The following TMEM202 variants were observed in gnomAD, a reference collection of about 807,000 sequenced individuals.
The protein encoded by TMEM202 is transmembrane protein 202.
A neutral mutation model predicts 26.1 loss-of-function variants in TMEM202; 25 were observed. That is an observed-to-expected ratio of 0.96 (90% CI 0.70 to 1.34). TMEM202 has a LOEUF of 1.34. TMEM202 is among the 40% of genes most tolerant of loss of function. TMEM202 has a pLI of 0.00. For missense variants in TMEM202, 301 were observed against 327.7 expected, an observed-to-expected ratio of 0.92 and a Z score of 0.63; for synonymous variants, 122 against 119.0, an observed-to-expected ratio of 1.02 and a Z score of -0.16.
chr15:72,398,717 T>C lies in TMEM202; in HGVS notation c.146T>C (p.Met49Thr), dbSNP rs1185088063. ...TCATGCCAAAGGCAGCAGCAGCTTA[T>C]GGATCAGGCACACATCTACATCCGA... The part of the protein sequence containing the change: ...SMSCQRQQQL[M>T]DQAHIYIRTL... Residue 49 changes from methionine (M) to threonine (T), a missense_variant, in exon 2 of 5, where the codon ATG becomes ACG. Coordinates refer to ENST00000341689, the MANE Select transcript of TMEM202 (RefSeq NM_001080462.3). 1.9e-6 allele frequency: 3 copies of C among 1,614,192 alleles called. No individual in the cohort carries two copies. Among genetic ancestry groups the C allele is most frequent in the Non-Finnish European group, 2.5e-6 (3 of 1,180,034 alleles).
At chr15:72,406,267 C>G (rs1406129571) in intron 2 of TMEM202, among the ~76,000 whole-genome samples, 1 of 151,862 alleles carries the variant, frequency 6.6e-6, no homozygotes, top group South Asian at 2.1e-4. Context: ...CTTCTTTGTT[C>G]TTTTGTAGTC....
intron 2 of TMEM202, among the ~76,000 whole-genome samples, chr15:72,401,667 G>C (rs2063548328): frequency 1.3e-5 from 2 of 152,204 alleles, no homozygotes; most frequent in Non-Finnish European, 2.9e-5. Context: ...AATCAAGCCA[G>C]CCTGTCACTC....
At chr15:72,400,396 C>T (rs2063542264) in intron 2 of TMEM202, among the ~76,000 whole-genome samples, 1 of 152,150 alleles carries the variant, frequency 6.6e-6, no homozygotes. Flanking sequence ...CTGTACATGC[C>T]ATGCAAATTG....
In TMEM202 at chr15:72,407,690, G is replaced by C; in HGVS notation, c.620-1G>C. 1 of 1,613,748 alleles carries C rather than the reference G, an allele frequency of 6.2e-7. No individual in the cohort carries two copies. The highest frequency in any genetic ancestry group is 8.5e-7 in the Non-Finnish European group (1 of 1,179,714). On this transcript the variant is annotated splice_acceptor_variant, in intron 4 of 4. Coordinates refer to ENST00000341689, the MANE Select transcript of TMEM202 (RefSeq NM_001080462.3). LOFTEE classifies it high-confidence loss of function. Reference sequence around the variant, plus strand: ...CACCTCAAATTATTCCCTTCCCGTAGGGATCATCTCTCTTCTCAACTACTT... The same window carrying C: ...CACCTCAAATTATTCCCTTCCCGTACGGATCATCTCTCTTCTCAACTACTT...
chr15:72,405,155 A>G (rs2063565122), intron 2 of TMEM202, among the ~76,000 whole-genome samples: 2 of 152,136 alleles, frequency 1.3e-5, no homozygotes, highest in Non-Finnish European at 2.9e-5. Context: ...TTGATACATA[A>G]TTTCTGCTCT....
intron 2 of TMEM202, among the ~76,000 whole-genome samples, chr15:72,402,461 G>T (rs1248074563): frequency 6.6e-6 from 1 of 152,148 alleles, no homozygotes; most frequent in Admixed American, 6.6e-5. Context: ...TCACTTCAGG[G>T]TGTTGTGCTT....
intron 2 of TMEM202, among the ~76,000 whole-genome samples, chr15:72,406,260 C>A (rs1393571070): frequency 1.3e-5 from 2 of 151,848 alleles, no homozygotes; most frequent in African/African-American, 4.8e-5. Flanking sequence ...TTTCCTGCTT[C>A]TTTGTTCTTT....
intron 2 of TMEM202, 137 bp downstream of exon 2, chr15:72,399,045 G>C: frequency 9.8e-7 from 1 of 1,019,748 alleles, no homozygotes; most frequent in Non-Finnish European, 1.4e-6. Context: ...ATCTTTCTTT[G>C]GTATCCTCAG....
intron 2 of TMEM202, among the ~76,000 whole-genome samples, chr15:72,405,831 A>G (rs980763184): frequency 6.6e-6 from 1 of 152,216 alleles, no homozygotes; most frequent in Admixed American, 6.5e-5. Flanking sequence ...CTACTAAAAA[A>G]AAACAAAAAT....
At position 72,407,763 on chromosome 15, in the gene TMEM202, C is replaced by T. The variant is rs752033889; in HGVS notation, c.692C>T (p.Thr231Ile). Residue 231 changes from threonine to isoleucine, a missense_variant, in exon 5 of 5, where the codon ACA becomes ATA. By Grantham distance (89) the Thr-to-Ile change is moderately conservative (BLOSUM62 -1). Coordinates refer to ENST00000341689, the MANE Select transcript of TMEM202 (RefSeq NM_001080462.3). Reference protein sequence around the residue: ...ACDENVTVIPTERSRLGVGPV... With the variant: ...ACDENVTVIPIERSRLGVGPV... ...GATGAAAACGTCACTGTGATTCCAA[C>T]AGAGAGATCAAGGCTGGGGGTTGGT... The T allele has an allele frequency of 6.2e-7, 1 of 1,613,954 alleles. No homozygotes were observed. The highest frequency in any genetic ancestry group is 1.1e-5 in the South Asian group (1 of 91,070).
rs530808608 is a variant in TMEM202 at position 72,406,885 on chromosome 15, T to C, written c.487+134T>C. On this transcript the variant is annotated intron_variant, in intron 3 of 4. Coordinates refer to ENST00000341689, the MANE Select transcript of TMEM202 (RefSeq NM_001080462.3). ...GTATCACACCAACTTGCCAGCTATC[T>C]GCCTTATCTAATTATATAGAACACA... 4.2e-6 allele frequency: 5 copies of C among 1,188,576 alleles called. No individual in the cohort carries two copies. In the East Asian group the frequency reaches 1.2e-4, roughly 28 times the overall value. The allele number at this position is 1,188,576 out of a possible 1,614,324, so 73.6% of individuals were successfully genotyped here.
intron 1 of TMEM202, 118 bp from the exon 2 acceptor site, chr15:72,398,535 A>T: frequency 7.1e-7 from 1 of 1,411,418 alleles, no homozygotes; most frequent in Non-Finnish European, 9.5e-7. Flanking sequence ...TTTTAGGAGT[A>T]GGGAAAAATA....
intron 2 of TMEM202, among the ~76,000 whole-genome samples, chr15:72,403,977 TCTC>T (rs2063560220): frequency 6.6e-6 from 1 of 152,288 alleles, no homozygotes; most frequent in East Asian, 1.9e-4. Flanking sequence ...GTTGCAGTCT[TCTC>T]CTCATGGTAG....
intron 2 of TMEM202, among the ~76,000 whole-genome samples, chr15:72,399,167 C>G (rs1323069973): frequency 1.3e-5 from 2 of 152,210 alleles, no homozygotes; most frequent in Admixed American, 6.5e-5. Flanking sequence ...GAGACAGGCT[C>G]TTGCTCTAAC....
At chr15:72,403,308 G>A (rs985932701) in intron 2 of TMEM202, among the ~76,000 whole-genome samples, 1 of 152,056 alleles carries the variant, frequency 6.6e-6, no homozygotes, top group African/African-American at 2.4e-5. Context: ...GAACATCTAC[G>A]AAAATCTTAC....
chr15:72,399,264 G>A lies in TMEM202; in HGVS notation c.337+356G>A, dbSNP rs1282066405. Among the ~76,000 whole-genome samples, 4 of 152,288 alleles carry A rather than the reference G, an allele frequency of 2.6e-5. No homozygotes were observed. The East Asian group carries it at 5.8e-4, about 22-fold the overall frequency. On this transcript the variant is annotated intron_variant, in intron 2 of 4. Coordinates refer to ENST00000341689, the MANE Select transcript of TMEM202 (RefSeq NM_001080462.3). ...GCAATCTTCCTGTTCAACCTCCTGA[G>A]TAGGTGGAACTACAGATGTGTGCCA...
intron 2 of TMEM202, among the ~76,000 whole-genome samples, chr15:72,403,511 TGTTC>T (rs1289796290): frequency 2.0e-5 from 3 of 152,052 alleles, no homozygotes; most frequent in Non-Finnish European, 4.4e-5. Context: ...GACACAGGGG[TGTTC>T]GTTTTATCTC....
In TMEM202 at chr15:72,398,961, T is replaced by C. The variant is rs1056532021; in HGVS notation, c.337+53T>C. 1.9e-6 allele frequency: 3 copies of C among 1,565,936 alleles called. No homozygotes were observed. The African/African-American group carries it at 4.1e-5, about 21-fold the overall frequency. Reference sequence around the variant, plus strand: ...GGCCCCACACAATTGCAGAGCTTTCTGCTCACACAAATTGGCCCTTCATGT... The same window carrying C: ...GGCCCCACACAATTGCAGAGCTTTCCGCTCACACAAATTGGCCCTTCATGT... On this transcript the variant is annotated intron_variant, in intron 2 of 4. Coordinates refer to ENST00000341689, the MANE Select transcript of TMEM202 (RefSeq NM_001080462.3).
chr15:72,405,162 C>G (rs1325418001), intron 2 of TMEM202, among the ~76,000 whole-genome samples: 2 of 152,112 alleles, frequency 1.3e-5, no homozygotes, highest in African/African-American at 4.8e-5. Context: ...ATAATTTCTG[C>G]TCTCTGGGTT....
Sources: allele counts gnomAD v4.1 joint callset (sites outside exome capture counted in the v4.1 genomes callset), GRCh38; gene constraint gnomAD v4.1.1; transcripts MANE v1.5; gene names NCBI Gene and HGNC (gene_info 2026-07-23, HGNC 2026-07-21).